PCGF5: variants seen among roughly 807,000 people sequenced by gnomAD.
PCGF5 encodes the protein polycomb group ring finger 5.
In PCGF5, 9 loss-of-function variants were observed where a neutral mutation model predicts 44.3. The observed-to-expected ratio is 0.20, with a 90% CI of 0.12 to 0.35. PCGF5 has a LOEUF of 0.35. PCGF5 is among the 10% of genes least tolerant of loss of function. The probability of loss-of-function intolerance (pLI) is 1.00; values close to 1 mark genes in which losing one functional copy is unlikely to be tolerated. For synonymous variants in PCGF5, 95 were observed against 102.5 expected (o/e 0.93, Z 0.44); for missense variants, 146 against 305.3 (o/e 0.48, Z 3.89).
chr10:91,258,475 A>G (rs1431595705), intron 6 of PCGF5, among the ~76,000 whole-genome samples: 1 of 152,154 alleles, frequency 6.6e-6, no homozygotes, highest in Non-Finnish European at 1.5e-5. Context: ...AATGAGTGTC[A>G]TGTCAGCCCT....
At position 91,279,969 on chromosome 10, in the gene PCGF5, T is replaced by G. The variant is rs916709090; in HGVS notation, c.*1653T>G. 1 of 152,076 alleles carries G rather than the reference T, an allele frequency of 6.6e-6. No homozygotes were observed. The highest frequency in any genetic ancestry group is 1.5e-5 in the Non-Finnish European group (1 of 67,918). 9.4% of individuals were successfully genotyped at this position (152,076 alleles called of 1,614,324 possible). A position where few individuals can be genotyped will look rare whatever the true frequency, so the allele number is the denominator to read the frequency against. Reference sequence around the variant, plus strand: ...TCATAATTATCTGTTCCTTCTATCTTTTTTTGAGTCAAAAAGTCTATTAAA... The same window carrying G: ...TCATAATTATCTGTTCCTTCTATCTGTTTTTGAGTCAAAAAGTCTATTAAA... On this transcript the variant is annotated 3_prime_UTR_variant, in exon 10 of 10. Transcript: ENST00000336126.
chr10:91,238,337 T>C lies in PCGF5; in HGVS notation c.113-2147T>C, dbSNP rs188267237. Among the ~76,000 whole-genome samples, 85 of 152,322 alleles carry C rather than the reference T, an allele frequency of 5.6e-4. 1 individual carries two copies. The highest frequency in any genetic ancestry group is 1.6e-3 in the African/African-American group (66 of 41,576). On this transcript the variant is annotated intron_variant, in intron 2 of 9. Coordinates refer to ENST00000336126, the MANE Select transcript of PCGF5 (RefSeq NM_032373.5). ...CTTTAATGTATGCACCTTTGGATGC[T>C]TGAGCCCTACAACTCTTTCATGAGC...
chr10:91,194,957 C>T (rs1235316756), intron 1 of PCGF5, among the ~76,000 whole-genome samples: 1 of 151,946 alleles, frequency 6.6e-6, no homozygotes, highest in African/African-American at 2.4e-5. Context: ...TGTGTGGGGG[C>T]ATTTGTGATT....
At chr10:91,165,649 T>C (rs1843486737) in intron 1 of PCGF5, among the ~76,000 whole-genome samples, 1 of 152,202 alleles carries the variant, frequency 6.6e-6, no homozygotes, top group Non-Finnish European at 1.5e-5. Flanking sequence ...TGCAGAGGCC[T>C]TAACTCTGAT....
At chr10:91,243,308 A>G (rs1202724336) in intron 3 of PCGF5, among the ~76,000 whole-genome samples, 1 of 152,218 alleles carries the variant, frequency 6.6e-6, no homozygotes, top group Non-Finnish European at 1.5e-5. Flanking sequence ...GGGTTTTGAA[A>G]TGCTTTAACA....
intron 1 of PCGF5, among the ~76,000 whole-genome samples, chr10:91,163,722 G>A (rs531318342): frequency 1.3e-5 from 2 of 152,200 alleles, no homozygotes; most frequent in East Asian, 3.9e-4. Flanking sequence ...GCGCGTTGGG[G>A]AGGGCGCGGT....
chr10:91,270,912 G>A (rs1846163995), intron 8 of PCGF5, among the ~76,000 whole-genome samples: 1 of 151,856 alleles, frequency 6.6e-6, no homozygotes, highest in Admixed American at 6.6e-5. Flanking sequence ...TTAAGAATTA[G>A]GATTTGGGAA....
intron 3 of PCGF5, among the ~76,000 whole-genome samples, chr10:91,244,614 G>C (rs1845411834): frequency 6.6e-6 from 1 of 152,160 alleles, no homozygotes; most frequent in Non-Finnish European, 1.5e-5. Flanking sequence ...ACAAGGCAAG[G>C]GTAGAAGCAG....
chr10:91,258,464 G>A (rs955222963), intron 6 of PCGF5, among the ~76,000 whole-genome samples: 2 of 152,122 alleles, frequency 1.3e-5, no homozygotes, highest in African/African-American at 4.8e-5. Flanking sequence ...AATCTGAAAT[G>A]AATGAGTGTC....
intron 1 of PCGF5, among the ~76,000 whole-genome samples, chr10:91,213,967 T>C (rs1844497722): frequency 6.6e-6 from 1 of 152,110 alleles, no homozygotes; most frequent in Admixed American, 6.5e-5. Flanking sequence ...GAAGGTATAA[T>C]CAGTTTGGGC....
chr10:91,248,090 A>G (rs1845515776), intron 3 of PCGF5, among the ~76,000 whole-genome samples: 1 of 152,158 alleles, frequency 6.6e-6, no homozygotes, highest in African/African-American at 2.4e-5. Flanking sequence ...TCATGGTAGC[A>G]GGATTCTGAG....
chr10:91,204,092 AG>A (rs1844300158), intron 1 of PCGF5, among the ~76,000 whole-genome samples: 1 of 152,230 alleles, frequency 6.6e-6, no homozygotes, highest in African/African-American at 2.4e-5. Context: ...TAACATTTAG[AG>A]AACATGTTTT....
chr10:91,221,172 G>A (rs781049460), intron 1 of PCGF5, among the ~76,000 whole-genome samples: 5 of 152,142 alleles, frequency 3.3e-5, no homozygotes, highest in Non-Finnish European at 7.4e-5. Context: ...GGGTCCTGCC[G>A]GAGAACGCAG....
chr10:91,184,008 C>T (rs557137275), intron 1 of PCGF5, among the ~76,000 whole-genome samples: 4 of 152,088 alleles, frequency 2.6e-5, no homozygotes, highest in East Asian at 1.9e-4. Flanking sequence ...TTCTTCGTTT[C>T]GACCTTGGAT....
chr10:91,178,793 G>T (rs1464564807), intron 1 of PCGF5, among the ~76,000 whole-genome samples: 5 of 152,078 alleles, frequency 3.3e-5, no homozygotes, highest in Non-Finnish European at 7.3e-5. Flanking sequence ...ATGATGATGA[G>T]TAGTTTGGAA....
At chr10:91,212,386 T>C (rs1016050233) in intron 1 of PCGF5, among the ~76,000 whole-genome samples, 1 of 152,170 alleles carries the variant, frequency 6.6e-6, no homozygotes, top group African/African-American at 2.4e-5. Flanking sequence ...TTGATGAACA[T>C]GCTTAAAAGC....
chr10:91,222,427 G>A (rs1844707598), intron 1 of PCGF5, among the ~76,000 whole-genome samples: 1 of 152,140 alleles, frequency 6.6e-6, no homozygotes, highest in South Asian at 2.1e-4. Flanking sequence ...TTAGTGAAGA[G>A]GTAAAGATAT....
intron 1 of PCGF5, among the ~76,000 whole-genome samples, chr10:91,180,027 A>G (rs970453330): frequency 6.6e-6 from 1 of 151,806 alleles, no homozygotes; most frequent in Non-Finnish European, 1.5e-5. Flanking sequence ...TTTACTTTTT[A>G]ATAATAGCCA....
At chr10:91,178,993 A>G (rs1237447510) in intron 1 of PCGF5, among the ~76,000 whole-genome samples, 1 of 152,210 alleles carries the variant, frequency 6.6e-6, no homozygotes, top group African/African-American at 2.4e-5. Context: ...TCCTATCTCA[A>G]GATTCTGACT....
Sources: gnomAD v4.1 joint callset for allele counts (sites outside exome capture counted in the v4.1 genomes callset) on GRCh38, gnomAD v4.1.1 for gene constraint, MANE v1.5 for transcripts, NCBI Gene and HGNC (gene_info 2026-07-23, HGNC 2026-07-21) for gene names.